COPS4: variants seen among roughly 807,000 people sequenced by gnomAD.
COPS4 encodes the protein COP9 signalosome subunit 4.
In COPS4, 8 loss-of-function variants were observed where a neutral mutation model predicts 55.1. That is an observed-to-expected ratio of 0.15 (90% CI 0.09 to 0.26). The LOEUF is 0.26. Ranked by LOEUF, COPS4 falls within the 10% of genes least tolerant of loss-of-function variation. The pLI is 1.00. For synonymous variants in COPS4, 185 were observed against 165.7 expected (o/e 1.12, Z -0.90); for missense variants, 248 against 484.0 (o/e 0.51, Z 4.58).
At chr4:83,045,752 G>T in intron 2 of COPS4, 47 bp downstream of exon 2, 1 of 1,263,742 alleles carries the variant, frequency 7.9e-7, no homozygotes, top group Non-Finnish European at 1.1e-6. Flanking sequence ...ACTGAGCTAG[G>T]ACTTTAAAGT....
At chr4:83,071,967 C>T (rs968609313) in intron 9 of COPS4, among the ~76,000 whole-genome samples, 1 of 152,228 alleles carries the variant, frequency 6.6e-6, no homozygotes, top group African/African-American at 2.4e-5. Context: ...GCCTCGGCCT[C>T]CCAAAGTGCT....
chr4:83,035,223 A>G lies in COPS4; in HGVS notation c.-2A>G. 6.4e-7 allele frequency: 1 copy of G among 1,565,050 alleles called. No homozygotes were observed. The highest frequency in any genetic ancestry group is 1.7e-5 in the Admixed American group (1 of 58,206). On this transcript the variant is annotated 5_prime_UTR_variant, in exon 1 of 10. Transcript: ENST00000264389. The stretch of plus-strand genomic sequence containing the variant: ...CGCATCCACCGCTGAGCTGGGAGAA[A>G]GATGGCGGCAGCCGTGCGACAGGAT...
intron 1 of COPS4, among the ~76,000 whole-genome samples, chr4:83,038,594 T>C (rs1183313692): frequency 1.3e-5 from 2 of 151,624 alleles, no homozygotes; most frequent in African/African-American, 4.9e-5. Flanking sequence ...ATGATTTCTC[T>C]CTCCTAAAAA....
intron 8 of COPS4, among the ~76,000 whole-genome samples, chr4:83,067,942 A>G (rs931892500): frequency 1.3e-5 from 2 of 152,230 alleles, no homozygotes; most frequent in African/African-American, 4.8e-5. Context: ...TTGCTTATGC[A>G]CAGTAAACAT....
chr4:83,037,866 T>C (rs1730467155), intron 1 of COPS4, among the ~76,000 whole-genome samples: 1 of 152,250 alleles, frequency 6.6e-6, no homozygotes, highest in Admixed American at 6.5e-5. Flanking sequence ...GCAGTGCTTG[T>C]ATTTGAATCC....
intron 4 of COPS4, among the ~76,000 whole-genome samples, chr4:83,051,098 CAAAA>C (rs536123309): frequency 3.9e-5 from 4 of 102,908 alleles, no homozygotes; most frequent in African/African-American, 3.4e-5. Context: ...CCATCTCCAC[CAAAA>C]AAAAAAAAAA....
chr4:83,068,573 T>A (rs372470219), intron 9 of COPS4, 51 bp downstream of exon 9: 47 of 1,129,724 alleles, frequency 4.2e-5, no homozygotes, highest in Non-Finnish European at 6.0e-5. Context: ...TGAACTGTTA[T>A]ATTTGTGATT....
intron 1 of COPS4, among the ~76,000 whole-genome samples, chr4:83,041,458 T>G (rs1391705424): frequency 6.6e-6 from 1 of 152,088 alleles, no homozygotes; most frequent in Non-Finnish European, 1.5e-5. Context: ...AAAAAGCTAT[T>G]ATTATCTACG....
intron 2 of COPS4, among the ~76,000 whole-genome samples, chr4:83,048,783 A>G (rs1177546921): frequency 6.6e-6 from 1 of 152,056 alleles, no homozygotes; most frequent in African/African-American, 2.4e-5. Context: ...CTGGGACTAC[A>G]GGTGCCCACC....
chr4:83,054,280 T>G (rs1057187306), intron 4 of COPS4, among the ~76,000 whole-genome samples: 5 of 152,150 alleles, frequency 3.3e-5, no homozygotes, highest in Non-Finnish European at 7.3e-5. Flanking sequence ...AGGCGGAGCT[T>G]GCAGTGAGCC....
intron 1 of COPS4, among the ~76,000 whole-genome samples, chr4:83,043,720 C>T (rs1345038312): frequency 6.6e-6 from 1 of 151,756 alleles, no homozygotes; most frequent in Non-Finnish European, 1.5e-5. Flanking sequence ...AATAACAAAC[C>T]ATTGAATGTA....
chr4:83,068,414 G>A, intron 8 of COPS4, 24 bp from the exon 9 acceptor site: 1 of 1,506,274 alleles, frequency 6.6e-7, no homozygotes, highest in Non-Finnish European at 9.2e-7. Context: ...TAAAGTTTCT[G>A]AGAGTTTTTT....
Position 83,066,455 on chromosome 4 carries a change from A to G in COPS4, c.904A>G (p.Arg302Gly). ...TTADGSSILD[R>G]AVIEHNLLSA... ...TGTTTAAGGTTCCAGCATCTTGGAC[A>G]GAGCTGTTATTGAACACAATTTGTT... The change falls in exon 8 of 10, where the codon AGA (arginine) becomes GGA (glycine). Residue 302 changes from arginine to glycine, a missense_variant. Coordinates refer to ENST00000264389, the MANE Select transcript of COPS4 (RefSeq NM_016129.3). 1 of 1,571,252 alleles carries G rather than the reference A, an allele frequency of 6.4e-7. No individual in the cohort carries two copies. Among genetic ancestry groups the G allele is most frequent in the East Asian group, 2.3e-5 (1 of 44,020 alleles).
At chr4:83,064,269 C>T (rs1428478680) in intron 7 of COPS4, among the ~76,000 whole-genome samples, 1 of 152,062 alleles carries the variant, frequency 6.6e-6, no homozygotes, top group Non-Finnish European at 1.5e-5. Flanking sequence ...CCCAGGGGGT[C>T]AAGGCTACAG....
At chr4:83,043,775 T>C (rs1730633327) in intron 1 of COPS4, among the ~76,000 whole-genome samples, 1 of 152,188 alleles carries the variant, frequency 6.6e-6, no homozygotes. Context: ...TAATTTATCT[T>C]TTAAGGACCC....
At chr4:83,057,222 A>C in intron 5 of COPS4, 36 bp from the exon 6 acceptor site, 11 of 1,558,290 alleles carry the variant, frequency 7.1e-6, no homozygotes, top group Non-Finnish European at 9.6e-6. Flanking sequence ...TTGCTTTTTA[A>C]TTTGTCCCCT....
At chr4:83,063,017 C>G (rs749375756) in intron 6 of COPS4, 59 bp from the exon 7 acceptor site, 114 of 1,398,484 alleles carry the variant, frequency 8.2e-5, no homozygotes, top group Non-Finnish European at 1.1e-4. Flanking sequence ...GTTTTTTTTT[C>G]CTGAAGAAAC....
chr4:83,060,252 C>G (rs566128724), intron 6 of COPS4, among the ~76,000 whole-genome samples: 36 of 149,012 alleles, frequency 2.4e-4, no homozygotes, highest in Admixed American at 6.0e-4. Context: ...GGCACTATCT[C>G]GGCTCACTGC....
intron 4 of COPS4, among the ~76,000 whole-genome samples, chr4:83,052,804 C>T (rs6831511): frequency 0.62 from 94,249 of 151,924 alleles, 32,035 homozygotes; most frequent in Non-Finnish European, 0.75. Context: ...CCAGGCTGGT[C>T]TCAAACTCCA....
Sources: allele counts gnomAD v4.1 joint callset (sites outside exome capture counted in the v4.1 genomes callset), GRCh38; gene constraint gnomAD v4.1.1; transcripts MANE v1.5; gene names NCBI Gene and HGNC (gene_info 2026-07-23, HGNC 2026-07-21).